The following SNTB1 variants were observed in gnomAD, a reference collection of about 807,000 sequenced individuals.
SNTB1 encodes syntrophin beta 1.
In SNTB1, 36 loss-of-function variants were observed where a neutral mutation model predicts 48.9. The ratio of observed to expected loss-of-function variants is 0.74; its 90% CI spans 0.56 to 0.97. The LOEUF (loss-of-function observed/expected upper bound fraction) is 0.97, where lower values mean the gene tolerates loss of function less well. SNTB1 is among the 50% of genes least tolerant of loss of function. SNTB1 has a pLI of 0.00. For synonymous variants in SNTB1, 299 were observed against 294.6 expected (o/e 1.01, Z -0.15); for missense variants, 786 against 703.4 (o/e 1.12, Z -1.33).
intron 3 of SNTB1, among the ~76,000 whole-genome samples, chr8:120,612,640 G>A (rs773948458): frequency 3.9e-5 from 6 of 152,058 alleles, no homozygotes; most frequent in Non-Finnish European, 5.9e-5. Flanking sequence ...TGCAACCTCC[G>A]CCTCCTGGGT....
intron 1 of SNTB1, among the ~76,000 whole-genome samples, chr8:120,785,778 T>G (rs1232185404): frequency 6.6e-6 from 1 of 152,194 alleles, no homozygotes; most frequent in African/African-American, 2.4e-5. Flanking sequence ...CTACCACAGC[T>G]GGAGCTCTTT....
chr8:120,654,202 A>G (rs1700152353), intron 2 of SNTB1, among the ~76,000 whole-genome samples: 3 of 152,016 alleles, frequency 2.0e-5, no homozygotes, highest in South Asian at 2.1e-4. Context: ...TCCACTCTGT[A>G]AAGGACAGTA....
chr8:120,699,359 G>T (rs985477991), intron 1 of SNTB1, among the ~76,000 whole-genome samples: 1 of 152,230 alleles, frequency 6.6e-6, no homozygotes, highest in Non-Finnish European at 1.5e-5. Context: ...CATGAGGACA[G>T]ATCCCTCATG....
intron 1 of SNTB1, among the ~76,000 whole-genome samples, chr8:120,784,647 T>A (rs1819891858): frequency 6.6e-6 from 1 of 152,078 alleles, no homozygotes; most frequent in South Asian, 2.1e-4. Flanking sequence ...TGTGGAAAAA[T>A]GATGTTAAAA....
At chr8:120,630,690 G>A (rs1263628237) in intron 3 of SNTB1, among the ~76,000 whole-genome samples, 1 of 151,964 alleles carries the variant, frequency 6.6e-6, no homozygotes, top group Non-Finnish European at 1.5e-5. Flanking sequence ...TCTTTTTCTT[G>A]CACAGCACCT....
At chr8:120,659,542 A>G (rs779484019) in intron 2 of SNTB1, among the ~76,000 whole-genome samples, 1 of 152,198 alleles carries the variant, frequency 6.6e-6, no homozygotes, top group Non-Finnish European at 1.5e-5. Flanking sequence ...CAACTTCCAA[A>G]CACCCATTAA....
chr8:120,697,705 C>A (rs1818234465), intron 1 of SNTB1, among the ~76,000 whole-genome samples: 4 of 152,146 alleles, frequency 2.6e-5, no homozygotes, highest in South Asian at 4.1e-4. Context: ...AAACAACGTA[C>A]CATGTGCAAG....
At chr8:120,663,823 G>A (rs1212092525) in intron 2 of SNTB1, among the ~76,000 whole-genome samples, 1 of 152,166 alleles carries the variant, frequency 6.6e-6, no homozygotes, top group Non-Finnish European at 1.5e-5. Flanking sequence ...AGCTATAATG[G>A]GGGTGCAGAA....
intron 3 of SNTB1, among the ~76,000 whole-genome samples, chr8:120,626,226 G>T (rs34233108): frequency 0.075 from 11,474 of 152,046 alleles, 890 homozygotes; most frequent in East Asian, 0.38. Flanking sequence ...TATATATAGA[G>T]AGAGAGAGAT....
chr8:120,755,086 T>A (rs555970245), intron 1 of SNTB1, among the ~76,000 whole-genome samples: 1 of 152,090 alleles, frequency 6.6e-6, no homozygotes, highest in East Asian at 1.9e-4. Context: ...CACACAGTAG[T>A]GACACAGTGG....
At chr8:120,661,262 C>T (rs374127505) in intron 2 of SNTB1, among the ~76,000 whole-genome samples, 1 of 150,760 alleles carries the variant, frequency 6.6e-6, no homozygotes, top group African/African-American at 2.4e-5. Flanking sequence ...TATGCATGTA[C>T]AGAGGAAAAG....
At chr8:120,748,709 C>T (rs1425236556) in intron 1 of SNTB1, among the ~76,000 whole-genome samples, 1 of 152,100 alleles carries the variant, frequency 6.6e-6, no homozygotes, top group Non-Finnish European at 1.5e-5. Flanking sequence ...GCTTCATTAC[C>T]CAGCAAAAGA....
rs1019060140 is a variant in SNTB1, at chr8:120,536,562, TGGG to T, written c.*2312_*2314del. 2.6e-5 allele frequency: 4 copies of T among 152,168 alleles called. No homozygotes were observed. Among genetic ancestry groups the T allele is most frequent in the African/African-American group, 7.2e-5 (3 of 41,452 alleles). 9.4% of individuals were successfully genotyped at this position (152,168 alleles called of 1,614,324 possible). A position where few individuals can be genotyped will look rare whatever the true frequency, so the allele number is the denominator to read the frequency against. ...CTCTCTATTATGATACATTTTAACT[TGGG>T]GGAAAAATGATTCATATACACAATT... On this transcript the variant is annotated 3_prime_UTR_variant, in exon 7 of 7. Coordinates refer to ENST00000517992, the MANE Select transcript of SNTB1 (RefSeq NM_021021.4).
At chr8:120,736,336 G>A (rs1187054327) in intron 1 of SNTB1, among the ~76,000 whole-genome samples, 3 of 152,174 alleles carry the variant, frequency 2.0e-5, no homozygotes, top group Non-Finnish European at 4.4e-5. Flanking sequence ...AAATTGGAGA[G>A]ATAATAGCTA....
chr8:120,543,422 A>C (rs73705089), intron 5 of SNTB1, among the ~76,000 whole-genome samples: 13,431 of 152,058 alleles, frequency 0.088, 956 homozygotes, highest in African/African-American at 0.19. Context: ...ATCATCATTT[A>C]CTCCACTCAG....
At chr8:120,644,409 G>A (rs1358332904) in intron 2 of SNTB1, among the ~76,000 whole-genome samples, 2 of 147,588 alleles carry the variant, frequency 1.4e-5, no homozygotes, top group South Asian at 2.1e-4. Context: ...GAGAATATGC[G>A]ATGTTTGGTT....
intron 2 of SNTB1, chr8:120,635,421 C>G (rs1327285803): frequency 2.0e-5 from 3 of 152,134 alleles, no homozygotes; most frequent in Non-Finnish European, 4.4e-5. Flanking sequence ...ATTCATTATT[C>G]TAGGAATTTA....
At chr8:120,777,869 C>A (rs903887567) in intron 1 of SNTB1, among the ~76,000 whole-genome samples, 4 of 152,144 alleles carry the variant, frequency 2.6e-5, no homozygotes, top group Non-Finnish European at 5.9e-5. Flanking sequence ...CAAGAGTATC[C>A]CCCAAAGCAC....
intron 2 of SNTB1, among the ~76,000 whole-genome samples, chr8:120,657,853 A>G (rs1817526732): frequency 6.6e-6 from 1 of 152,228 alleles, no homozygotes; most frequent in Non-Finnish European, 1.5e-5. Context: ...AATCACTGAG[A>G]TTATACTCAA....
Sources: gnomAD v4.1 joint callset for allele counts (sites outside exome capture counted in the v4.1 genomes callset) on GRCh38, gnomAD v4.1.1 for gene constraint, MANE v1.5 for transcripts, NCBI Gene and HGNC (gene_info 2026-07-23, HGNC 2026-07-21) for gene names.